Variants in SGCZ observed in about 807,000 individuals in gnomAD.
The protein encoded by SGCZ is zeta-sarcoglycan.
In SGCZ, 40 loss-of-function variants were observed where a neutral mutation model predicts 41.3. The ratio of observed to expected loss-of-function variants is 0.97; its 90% confidence interval spans 0.75 to 1.26. The LOEUF (loss-of-function observed/expected upper bound fraction) is 1.26, where lower values mean the gene tolerates loss of function less well. Among genes scored for constraint, SGCZ ranks in the 50% most tolerant of loss-of-function variants. The pLI, the probability that SGCZ is intolerant of heterozygous loss-of-function variation, is 0.00. For synonymous variants in SGCZ, 206 were observed against 137.5 expected (o/e 1.50, Z -3.49); for missense variants, 552 against 369.8 (o/e 1.49, Z -4.04).
chr8:14,935,192 T>C (rs1412425615), intron 1 of SGCZ, among the ~76,000 whole-genome samples: 1 of 151,834 alleles, frequency 6.6e-6, no homozygotes, highest in Non-Finnish European at 1.5e-5. Context: ...AAAGATATTT[T>C]ATTTTTTATA....
chr8:15,178,165 C>A (rs1800055859), intron 1 of SGCZ, among the ~76,000 whole-genome samples: 1 of 152,128 alleles, frequency 6.6e-6, no homozygotes, highest in Non-Finnish European at 1.5e-5. Flanking sequence ...TCCTTCTCAA[C>A]CGCACCCCTA....
chr8:14,541,859 G>C (rs1226321101), intron 2 of SGCZ, among the ~76,000 whole-genome samples: 2 of 152,070 alleles, frequency 1.3e-5, no homozygotes, highest in Non-Finnish European at 2.9e-5. Flanking sequence ...TTGTGGTTTT[G>C]ATTTCCATTT....
At chr8:14,802,807 C>G (rs372023465) in intron 1 of SGCZ, among the ~76,000 whole-genome samples, 1 of 152,072 alleles carries the variant, frequency 6.6e-6, no homozygotes, top group Non-Finnish European at 1.5e-5. Context: ...AGCGAATGTT[C>G]CAAGAAATAG....
intron 1 of SGCZ, among the ~76,000 whole-genome samples, chr8:14,989,523 A>G (rs1354738477): frequency 6.6e-6 from 1 of 152,082 alleles, no homozygotes; most frequent in African/African-American, 2.4e-5. Flanking sequence ...TAAGAGATTC[A>G]TATGCCCTGA....
chr8:15,091,006 TTGAC>T (rs1806138075), intron 1 of SGCZ, among the ~76,000 whole-genome samples: 2 of 152,328 alleles, frequency 1.3e-5, no homozygotes, highest in African/African-American at 4.8e-5. Context: ...TGGCATCTAC[TTGAC>T]TGACAGTTAC....
At chr8:15,105,746 A>G (rs1274898613) in intron 1 of SGCZ, among the ~76,000 whole-genome samples, 2 of 152,210 alleles carry the variant, frequency 1.3e-5, no homozygotes, top group African/African-American at 4.8e-5. Flanking sequence ...TTGTAGGATT[A>G]TGATGCATGG....
At chr8:14,417,656 TGACTA>T (rs1206985839) in intron 2 of SGCZ, among the ~76,000 whole-genome samples, 2 of 151,882 alleles carry the variant, frequency 1.3e-5, no homozygotes, top group African/African-American at 4.8e-5. Context: ...TACAGCATGA[TGACTA>T]GAGTTACTAA....
chr8:14,551,597 TTATATATATTATATATATAC>T (rs1563405025), intron 2 of SGCZ, among the ~76,000 whole-genome samples: 5 of 36,476 alleles, frequency 1.4e-4, no homozygotes, highest in Non-Finnish European at 1.3e-4. Context: ...ATAATATATA[TTATATATATTATATATATAC>T]ATAAAATATA....
intron 5 of SGCZ, among the ~76,000 whole-genome samples, chr8:14,127,195 T>A (rs896714582): frequency 2.0e-5 from 3 of 152,076 alleles, no homozygotes; most frequent in Non-Finnish European, 2.9e-5. Flanking sequence ...TAAATGAGGC[T>A]GAATTATTAT....
chr8:15,068,430 G>T (rs1292331711), intron 1 of SGCZ, among the ~76,000 whole-genome samples: 1 of 152,206 alleles, frequency 6.6e-6, no homozygotes, highest in Non-Finnish European at 1.5e-5. Flanking sequence ...ACTTAACCAT[G>T]TCAGGGATTG....
At chr8:15,004,447 G>C (rs1451424864) in intron 1 of SGCZ, among the ~76,000 whole-genome samples, 1 of 152,136 alleles carries the variant, frequency 6.6e-6, no homozygotes, top group South Asian at 2.1e-4. Context: ...AGACACTTAA[G>C]ATAGAGGTGG....
intron 1 of SGCZ, among the ~76,000 whole-genome samples, chr8:14,940,101 C>T (rs1433849433): frequency 6.6e-6 from 1 of 152,042 alleles, no homozygotes; most frequent in Non-Finnish European, 1.5e-5. Flanking sequence ...AAAACATGTT[C>T]CTTTTGAACC....
At chr8:14,856,469 C>G (rs969013597) in intron 1 of SGCZ, among the ~76,000 whole-genome samples, 2 of 152,136 alleles carry the variant, frequency 1.3e-5, no homozygotes, top group Admixed American at 6.6e-5. Context: ...TGCATGTGGC[C>G]AAAGTTTTCC....
At chr8:15,075,933 C>A (rs567921994) in intron 1 of SGCZ, among the ~76,000 whole-genome samples, 72 of 138,376 alleles carry the variant, frequency 5.2e-4, no homozygotes, top group Non-Finnish European at 8.9e-4. Context: ...TATCCCAGAC[C>A]AAAAAAAAAA....
chr8:14,346,090 T>C (rs901243480), intron 2 of SGCZ, among the ~76,000 whole-genome samples: 1 of 152,142 alleles, frequency 6.6e-6, no homozygotes, highest in Non-Finnish European at 1.5e-5. Context: ...TTTTAGTTAA[T>C]AATTATATGT....
intron 2 of SGCZ, among the ~76,000 whole-genome samples, chr8:14,403,425 T>G (rs1052611848): frequency 6.6e-6 from 1 of 151,720 alleles, no homozygotes; most frequent in African/African-American, 2.4e-5. Flanking sequence ...TGGCTGTGGG[T>G]TTGTCATAGA....
At chr8:14,272,044 C>T (rs1800083013) in intron 3 of SGCZ, among the ~76,000 whole-genome samples, 2 of 152,144 alleles carry the variant, frequency 1.3e-5, no homozygotes, top group African/African-American at 4.8e-5. Context: ...CATTCTGTTG[C>T]CCATGCTGGA....
At chr8:14,217,612 T>C (rs1008028300) in intron 4 of SGCZ, among the ~76,000 whole-genome samples, 34 of 150,040 alleles carry the variant, frequency 2.3e-4, no homozygotes, top group African/African-American at 8.1e-4. Context: ...CTTGAGAACA[T>C]TTAAATTCAA....
chr8:14,361,933 C>T (rs1278228755), intron 2 of SGCZ, among the ~76,000 whole-genome samples: 1 of 152,162 alleles, frequency 6.6e-6, no homozygotes, highest in Non-Finnish European at 1.5e-5. Context: ...TTCTAACAGA[C>T]AGGCCCCTCA....
Sources: gnomAD v4.1 joint callset for allele counts (sites outside exome capture counted in the v4.1 genomes callset) on GRCh38, gnomAD v4.1.1 for gene constraint, MANE v1.5 for transcripts, NCBI Gene and HGNC (gene_info 2026-07-23, HGNC 2026-07-21) for gene names.